ERBB4: variants seen among roughly 807,000 people sequenced by gnomAD.
ERBB4 encodes erb-b2 receptor tyrosine kinase 4, also known as receptor tyrosine-protein kinase erbB-4.
A neutral mutation model predicts 158.0 loss-of-function variants in ERBB4; 42 were observed. That is an observed-to-expected ratio of 0.27 (90% CI 0.21 to 0.34). The LOEUF (loss-of-function observed/expected upper bound fraction) is 0.34, where lower values mean the gene tolerates loss of function less well. Ranked by LOEUF, ERBB4 falls within the 10% of genes least tolerant of loss-of-function variation. The pLI, the probability that ERBB4 is intolerant of heterozygous loss-of-function variation, is 1.00. For missense variants in ERBB4, 1,333 were observed against 1,624.1 expected, an observed-to-expected ratio of 0.82 and a Z score of 3.08; for synonymous variants, 583 against 558.7, an observed-to-expected ratio of 1.04 and a Z score of -0.61.
chr2:211,426,817 T>C (rs1362711137), intron 22 of ERBB4, among the ~76,000 whole-genome samples: 1 of 151,128 alleles, frequency 6.6e-6, no homozygotes, highest in Non-Finnish European at 1.5e-5. Context: ...TATGATATAA[T>C]ATATAAATCT....
chr2:211,722,642 T>C (rs2074141073), intron 6 of ERBB4, 108 bp from the exon 7 acceptor site: 3 of 1,152,712 alleles, frequency 2.6e-6, no homozygotes, highest in African/African-American at 1.5e-5. Flanking sequence ...TCCACAAATA[T>C]TACAAAATTT....
intron 2 of ERBB4, among the ~76,000 whole-genome samples, chr2:212,059,773 C>A (rs1291962079): frequency 6.6e-6 from 1 of 152,140 alleles, no homozygotes; most frequent in South Asian, 2.1e-4. Flanking sequence ...CTCCCTTACA[C>A]CTTATACAAA....
intron 1 of ERBB4, among the ~76,000 whole-genome samples, chr2:212,464,704 C>A (rs1482888809): frequency 1.3e-5 from 2 of 151,978 alleles, no homozygotes; most frequent in East Asian, 3.9e-4. Context: ...AAACTTCGAG[C>A]CTATTGACCC....
intron 1 of ERBB4, among the ~76,000 whole-genome samples, chr2:212,404,022 T>C (rs2091279193): frequency 6.6e-6 from 1 of 152,016 alleles, no homozygotes; most frequent in African/African-American, 2.4e-5. Context: ...TTCAGATGGC[T>C]TCAAACTACT....
At chr2:211,586,687 T>G (rs2125783474) in intron 19 of ERBB4, among the ~76,000 whole-genome samples, 1 of 152,338 alleles carries the variant, frequency 6.6e-6, no homozygotes, top group South Asian at 2.1e-4. Flanking sequence ...TATTCTGGTT[T>G]CTTTTTATTT....
At chr2:212,459,217 T>A (rs1688454712) in intron 1 of ERBB4, among the ~76,000 whole-genome samples, 1 of 152,086 alleles carries the variant, frequency 6.6e-6, no homozygotes, top group Non-Finnish European at 1.5e-5. Context: ...TATTTTATAG[T>A]ATTAGATGTA....
At position 212,157,000 on chromosome 2, in the gene ERBB4, G is replaced by A. The variant is rs765468814; in HGVS notation, c.83-32097C>T. Among the ~76,000 whole-genome samples the A allele has an allele frequency of 2.4e-4, 36 of 152,028 alleles. 1 individual carries two copies. Among genetic ancestry groups the A allele is most frequent in the Non-Finnish European group, 4.0e-4 (27 of 67,978 alleles). On this transcript the variant is annotated intron_variant, in intron 1 of 27. Coordinates refer to ENST00000342788, the MANE Select transcript of ERBB4 (RefSeq NM_005235.3). ...TTTGTCTCCAAACTTTTCTCCATATGTTCATCAAAATAATTTATTAAATGC... is the reference window on the plus strand; with the variant it reads ...TTTGTCTCCAAACTTTTCTCCATATATTCATCAAAATAATTTATTAAATGC...
chr2:212,416,922 T>A (rs1202386434), intron 1 of ERBB4, among the ~76,000 whole-genome samples: 3 of 152,084 alleles, frequency 2.0e-5, no homozygotes, highest in African/African-American at 4.8e-5. Context: ...GATTTTCACT[T>A]CCTTTCATCC....
At chr2:211,875,850 T>G (rs2078485208) in intron 3 of ERBB4, among the ~76,000 whole-genome samples, 1 of 152,198 alleles carries the variant, frequency 6.6e-6, no homozygotes. Flanking sequence ...CACATACATT[T>G]TGTTACAATT....
chr2:212,331,358 A>T (rs2088160852), intron 1 of ERBB4, among the ~76,000 whole-genome samples: 1 of 151,726 alleles, frequency 6.6e-6, no homozygotes, highest in Non-Finnish European at 1.5e-5. Flanking sequence ...CTCAATGCTG[A>T]CATTGAGGGG....
At chr2:211,955,501 A>T (rs2081003222) in intron 2 of ERBB4, among the ~76,000 whole-genome samples, 1 of 152,010 alleles carries the variant, frequency 6.6e-6, no homozygotes, top group Non-Finnish European at 1.5e-5. Context: ...GACTTATTAC[A>T]CTAGAGTTAG....
chr2:212,243,080 T>C (rs939242484), intron 1 of ERBB4, among the ~76,000 whole-genome samples: 3 of 152,196 alleles, frequency 2.0e-5, no homozygotes, highest in Non-Finnish European at 4.4e-5. Context: ...CAAGTTGACA[T>C]CAATCTGTTA....
At chr2:212,049,814 CAT>C (rs553736946) in intron 2 of ERBB4, among the ~76,000 whole-genome samples, 1 of 152,126 alleles carries the variant, frequency 6.6e-6, no homozygotes, top group Non-Finnish European at 1.5e-5. Flanking sequence ...GTCAGCAAAA[CAT>C]GTGTGGGCTT....
intron 1 of ERBB4, among the ~76,000 whole-genome samples, chr2:212,311,304 A>G (rs1261906282): frequency 6.6e-6 from 1 of 150,968 alleles, no homozygotes; most frequent in Non-Finnish European, 1.5e-5. Flanking sequence ...AAAATAATAT[A>G]GAATGAGATA....
At chr2:211,792,242 T>C (rs780611475) in intron 3 of ERBB4, among the ~76,000 whole-genome samples, 1 of 151,774 alleles carries the variant, frequency 6.6e-6, no homozygotes, top group Non-Finnish European at 1.5e-5. Context: ...TGACTGGTCC[T>C]ATGTTTCATA....
chr2:212,344,704 T>A (rs1050037595), intron 1 of ERBB4, among the ~76,000 whole-genome samples: 2 of 152,164 alleles, frequency 1.3e-5, no homozygotes, highest in African/African-American at 4.8e-5. Context: ...TATATAACAA[T>A]GCAGTTAAAA....
chr2:211,520,850 T>A (rs535568791), intron 20 of ERBB4, among the ~76,000 whole-genome samples: 44 of 152,274 alleles, frequency 2.9e-4, no homozygotes, highest in Middle Eastern at 6.8e-3. Flanking sequence ...ATATCTATTA[T>A]GGTTATCTGT....
rs73074256 is a variant in ERBB4 at position 212,360,815 on chromosome 2, A to G, written c.82+177634T>C. On this transcript the variant is annotated intron_variant, in intron 1 of 27. Transcript: ENST00000342788. ...ATTCTTCACTTTTTTTCCTTGATGA[A>G]AAATTCAGTGATTTAGACTGAGACT... 6.1e-3 allele frequency among the ~76,000 whole-genome samples: 929 copies of G among 151,774 alleles called. 5 individuals carry two copies. Among genetic ancestry groups the G allele is most frequent in the African/African-American group, 0.02 (832 of 41,494 alleles).
At position 211,520,775 on chromosome 2, in the gene ERBB4, C is replaced by CA. The variant is rs543018727; in HGVS notation, c.2487+41127dup. 2.7e-4 allele frequency among the ~76,000 whole-genome samples: 41 copies of CA among 152,234 alleles called. 1 individual carries two copies. In the South Asian group the frequency reaches 7.5e-3, roughly 28 times the overall value. ...GTTTATTTTTCTAATAGCATGTACTCACTCCACATCTCTGTTTCTCATTTT... is the reference window on the plus strand; with the variant it reads ...GTTTATTTTTCTAATAGCATGTACTCAACTCCACATCTCTGTTTCTCATTTT... On this transcript the variant is annotated intron_variant, in intron 20 of 27. Coordinates refer to ENST00000342788, the MANE Select transcript of ERBB4 (RefSeq NM_005235.3).
Sources: allele counts gnomAD v4.1 joint callset (sites outside exome capture counted in the v4.1 genomes callset), GRCh38; gene constraint gnomAD v4.1.1; transcripts MANE v1.5; gene names NCBI Gene and HGNC (gene_info 2026-07-23, HGNC 2026-07-21).